Variants in PCBD2 observed in about 807,000 individuals in gnomAD.
PCBD2 encodes pterin-4-alpha-carbinolamine dehydratase 2.
In PCBD2, 12 loss-of-function variants were observed where a neutral mutation model predicts 16.4. The observed-to-expected ratio is 0.73, with a 90% confidence interval of 0.47 to 1.19. The LOEUF (loss-of-function observed/expected upper bound fraction) is 1.19, where lower values mean the gene tolerates loss of function less well. Among genes scored for constraint, PCBD2 ranks in the 50% most tolerant of loss-of-function variants. The probability of loss-of-function intolerance (pLI) is 0.00; values close to 1 mark genes in which losing one functional copy is unlikely to be tolerated. For missense variants in PCBD2, 138 were observed against 156.8 expected, an observed-to-expected ratio of 0.88 and a Z score of 0.64; for synonymous variants, 58 against 61.8, an observed-to-expected ratio of 0.94 and a Z score of 0.29.
At chr5:134,933,937 G>A (rs566808519) in intron 2 of PCBD2, among the ~76,000 whole-genome samples, 1 of 152,316 alleles carries the variant, frequency 6.6e-6, no homozygotes, top group East Asian at 1.9e-4. Flanking sequence ...TAGTGCAATG[G>A]TGTAGGAAAT....
At position 134,930,435 on chromosome 5, in the gene PCBD2, A is replaced by G. The variant is rs777289590; in HGVS notation, c.216+19969A>G. 1.1e-4 allele frequency among the ~76,000 whole-genome samples: 16 copies of G among 152,256 alleles called. No homozygotes were observed. In the East Asian group the frequency reaches 2.7e-3, roughly 26 times the overall value. ...TCACCAGGGACTTTTCCTCTCCCTC[A>G]TCTCCTTACTCCTAGATATCGATGA... On this transcript the variant is annotated intron_variant, in intron 2 of 3. Coordinates refer to ENST00000254908, the MANE Select transcript of PCBD2 (RefSeq NM_032151.5).
intron 2 of PCBD2, among the ~76,000 whole-genome samples, chr5:134,921,549 G>A (rs1328863201): frequency 1.3e-5 from 2 of 152,134 alleles, no homozygotes; most frequent in African/African-American, 4.8e-5. Flanking sequence ...GGGCCACAGA[G>A]TACAGGGGGG....
At chr5:134,921,099 G>A (rs976560648) in intron 2 of PCBD2, among the ~76,000 whole-genome samples, 4 of 152,250 alleles carry the variant, frequency 2.6e-5, no homozygotes, top group Middle Eastern at 3.2e-3. Flanking sequence ...GTGTGGTTCT[G>A]TCAGGATTCG....
Position 134,921,991 on chromosome 5 carries a change from C to T in PCBD2, c.216+11525C>T, listed in dbSNP as rs570191774. Among the ~76,000 whole-genome samples, 183 of 152,358 alleles carry T rather than the reference C, an allele frequency of 1.2e-3. 1 individual carries two copies. Among genetic ancestry groups the T allele is most frequent in the Middle Eastern group, 3.4e-3 (1 of 294 alleles). ...TTTCAAAGCTGCCCACAGCCCAGCC[C>T]TAAGCCTACCTCGCATTACTCTGCA... On this transcript the variant is annotated intron_variant, in intron 2 of 3. Transcript: ENST00000254908.
chr5:134,925,328 G>A (rs559379238), intron 2 of PCBD2: 5 of 398,298 alleles, frequency 1.3e-5, no homozygotes, highest in Non-Finnish European at 2.2e-5. Context: ...GCCAATGCTA[G>A]GTTGCCAATG....
intron 2 of PCBD2, among the ~76,000 whole-genome samples, chr5:134,949,209 A>G (rs1751332684): frequency 1.3e-5 from 2 of 152,060 alleles, no homozygotes; most frequent in East Asian, 3.9e-4. Flanking sequence ...TCCCGTGCCG[A>G]CACCCACTCA....
At chr5:134,943,196 G>A (rs551035466) in intron 2 of PCBD2, among the ~76,000 whole-genome samples, 1 of 152,318 alleles carries the variant, frequency 6.6e-6, no homozygotes, top group South Asian at 2.1e-4. Flanking sequence ...ATAGCCCAGG[G>A]ACAGGCTGTT....
chr5:134,927,251 A>C, intron 2 of PCBD2: 1 of 398,452 alleles, frequency 2.5e-6, no homozygotes, highest in Non-Finnish European at 4.4e-6. Context: ...GGGATAGTAC[A>C]AGGAAGGGGT....
Position 134,947,676 on chromosome 5 carries a change from C to T in PCBD2, c.217-11364C>T, listed in dbSNP as rs187789998. ...TGCTGAGATTACAGATGTGAGCCAC[C>T]GCGCTCGGCCCCCTGACCTCAATTT... On this transcript the variant is annotated intron_variant, in intron 2 of 3. Coordinates refer to ENST00000254908, the MANE Select transcript of PCBD2 (RefSeq NM_032151.5). Among the ~76,000 whole-genome samples, 11 of 152,028 alleles carry T rather than the reference C, an allele frequency of 7.2e-5. No homozygotes were observed. The East Asian group carries it at 9.7e-4, about 13-fold the overall frequency.
At position 134,960,831 on chromosome 5, in the gene PCBD2, A is replaced by G; in HGVS notation, c.*150A>G. ...GCCCAGGCCAGAGTGCAGTGGTATG[A>G]TCTCGGCTCACTGTAACCTCCGCCT... is the stretch of plus-strand genomic sequence containing the variant. On this transcript the variant is annotated 3_prime_UTR_variant, in exon 4 of 4. Transcript: ENST00000254908. 1 of 601,328 alleles carries G rather than the reference A, an allele frequency of 1.7e-6. No individual in the cohort carries two copies. Among genetic ancestry groups the G allele is most frequent in the South Asian group, 2.1e-5 (1 of 48,034 alleles). The allele number at this position is 601,328 out of a possible 1,614,324, so 37.2% of individuals were successfully genotyped here. A position where few individuals can be genotyped will look rare whatever the true frequency, so the allele number is the denominator to read the frequency against.
At chr5:134,915,086 G>T (rs1750812498) in intron 2 of PCBD2, among the ~76,000 whole-genome samples, 1 of 152,138 alleles carries the variant, frequency 6.6e-6, no homozygotes, top group African/African-American at 2.4e-5. Context: ...GGAAGCTGAG[G>T]TAGGTGGATC....
intron 3 of PCBD2, among the ~76,000 whole-genome samples, chr5:134,960,221 G>A (rs1751459968): frequency 6.6e-6 from 1 of 152,096 alleles, no homozygotes; most frequent in African/African-American, 2.4e-5. Context: ...TGATAGCTTG[G>A]TTTTTCTCAG....
intron 2 of PCBD2, among the ~76,000 whole-genome samples, chr5:134,915,591 G>A (rs1750822951): frequency 6.6e-6 from 1 of 151,652 alleles, no homozygotes; most frequent in South Asian, 2.1e-4. Flanking sequence ...GGTACTACAG[G>A]TGTGTGCCAC....
chr5:134,954,582 T>C (rs1182348549), intron 2 of PCBD2, among the ~76,000 whole-genome samples: 1 of 152,220 alleles, frequency 6.6e-6, no homozygotes, highest in Non-Finnish European at 1.5e-5. Context: ...CCTGACTTAT[T>C]GTATTTCTAA....
intron 2 of PCBD2, chr5:134,925,154 G>A (rs778840254): frequency 2.5e-5 from 10 of 398,024 alleles, no homozygotes; most frequent in Non-Finnish European, 1.8e-5. Context: ...GCTGGGAAGC[G>A]AGGCTGACCT....
At position 134,924,297 on chromosome 5, in the gene PCBD2, T is replaced by A. The variant is rs1561909031; in HGVS notation, c.216+13831T>A. ...CATGGGTTTAATGGTTTTTTTAATTTATTTGGGGGGAATGATGGTTGTTTT... is the reference window on the plus strand; with the variant it reads ...CATGGGTTTAATGGTTTTTTTAATTAATTTGGGGGGAATGATGGTTGTTTT... On this transcript the variant is annotated intron_variant, in intron 2 of 3. Transcript: ENST00000254908. 7.6e-6 allele frequency: 3 copies of A among 395,360 alleles called. No homozygotes were observed. In the East Asian group the frequency reaches 1.1e-4, roughly 14 times the overall value. The allele number at this position is 395,360 out of a possible 1,614,324, so 24.5% of individuals were successfully genotyped here. A position where few individuals can be genotyped will look rare whatever the true frequency, so the allele number is the denominator to read the frequency against.
rs752602852 is a variant in PCBD2 at position 134,943,716 on chromosome 5, A to G, written c.217-15324A>G. Among the ~76,000 whole-genome samples, 7 of 152,178 alleles carry G rather than the reference A, an allele frequency of 4.6e-5. No homozygotes were observed. In the South Asian group the frequency reaches 6.2e-4, roughly 14 times the overall value. On this transcript the variant is annotated intron_variant, in intron 2 of 3. Coordinates refer to ENST00000254908, the MANE Select transcript of PCBD2 (RefSeq NM_032151.5). ...GGGTTCTGTGCCTTCTGGGACCGGT[A>G]GGAATGCAGTGTGGACTGCAGTGGA... is the stretch of plus-strand genomic sequence containing the variant.
chr5:134,924,347 TGAG>T, intron 2 of PCBD2: 1 of 396,282 alleles, frequency 2.5e-6, no homozygotes, highest in Non-Finnish European at 4.5e-6. Context: ...CGGTGGCTAT[TGAG>T]GAGTATCCTG....
rs1561454491 is a variant in PCBD2, at chr5:134,962,107, T to TGTGTGTGTGTGTG, written c.*1426_*1427insGTGTGTGTGTGTG. ...GTGTGTGTGTGTGTGTGTGTGTGTG[T>TGTGTGTGTGTGTG]TTGACACGGGGTCTCATTCTGTTGC... On this transcript the variant is annotated 3_prime_UTR_variant, in exon 4 of 4. Transcript: ENST00000254908. 2.7e-5 allele frequency among the ~76,000 whole-genome samples: 4 copies of TGTGTGTGTGTGTG among 150,414 alleles called. No individual in the cohort carries two copies. The highest frequency in any genetic ancestry group is 2.1e-4 in the South Asian group (1 of 4,760).
Sources: gnomAD v4.1 joint callset for allele counts (sites outside exome capture counted in the v4.1 genomes callset) on GRCh38, gnomAD v4.1.1 for gene constraint, MANE v1.5 for transcripts, NCBI Gene and HGNC (gene_info 2026-07-23, HGNC 2026-07-21) for gene names.